Variants in ATP8A2 observed in about 807,000 individuals in gnomAD.
ATP8A2 encodes ATPase phospholipid transporting 8A2.
ATP8A2 carries 100 observed loss-of-function variants against 165.6 expected under a neutral mutation model. The observed-to-expected ratio is 0.60, with a 90% CI of 0.51 to 0.71. ATP8A2 has a LOEUF of 0.71. ATP8A2 is among the 30% of genes least tolerant of loss of function. ATP8A2 has a pLI of 0.00. For synonymous variants in ATP8A2, 543 were observed against 548.8 expected (o/e 0.99, Z 0.15); for missense variants, 1,227 against 1,479.5 (o/e 0.83, Z 2.80).
chr13:25,746,642 A>G (rs2044037970), intron 25 of ATP8A2, among the ~76,000 whole-genome samples: 2 of 152,160 alleles, frequency 1.3e-5, no homozygotes, highest in African/African-American at 4.8e-5. Flanking sequence ...TCCCACACTG[A>G]AAGGAAACTG....
chr13:25,430,483 A>G (rs1343802376), intron 1 of ATP8A2, among the ~76,000 whole-genome samples: 5 of 152,222 alleles, frequency 3.3e-5, no homozygotes, highest in South Asian at 2.1e-4. Flanking sequence ...GAGCAATTTC[A>G]GAAGATGGTA....
chr13:26,019,648 A>G (rs896728309), intron 36 of ATP8A2, among the ~76,000 whole-genome samples: 11 of 152,138 alleles, frequency 7.2e-5, no homozygotes, highest in Non-Finnish European at 1.3e-4. Context: ...CTACCCTCAG[A>G]GGCTTTCCCT....
intron 35 of ATP8A2, among the ~76,000 whole-genome samples, chr13:25,990,554 G>C (rs1470063988): frequency 6.6e-6 from 1 of 152,216 alleles, no homozygotes; most frequent in African/African-American, 2.4e-5. Flanking sequence ...AACTTGCAAG[G>C]ATGGCCATGT....
chr13:25,997,648 G>A (rs1956539700), intron 35 of ATP8A2, among the ~76,000 whole-genome samples: 1 of 151,764 alleles, frequency 6.6e-6, no homozygotes, highest in South Asian at 2.1e-4. Context: ...CTCAGACTGG[G>A]TAATTTCTAC....
At chr13:25,839,793 G>A (rs1229146472) in intron 30 of ATP8A2, among the ~76,000 whole-genome samples, 169 bp downstream of exon 30, 1 of 152,172 alleles carries the variant, frequency 6.6e-6, no homozygotes, top group African/African-American at 2.4e-5. Context: ...GTTTATAGCT[G>A]TTAGGTTTCA....
At chr13:25,592,656 C>G (rs2040120613) in intron 24 of ATP8A2, among the ~76,000 whole-genome samples, 1 of 152,164 alleles carries the variant, frequency 6.6e-6, no homozygotes, top group Admixed American at 6.5e-5. Flanking sequence ...TCAAAGGTAT[C>G]TCTAACCTTG....
chr13:25,391,822 G>C (rs1566099374), intron 1 of ATP8A2, among the ~76,000 whole-genome samples: 1 of 152,226 alleles, frequency 6.6e-6, no homozygotes, highest in Non-Finnish European at 1.5e-5. Flanking sequence ...AGGCTGTCTT[G>C]AGTGGATGGA....
chr13:25,875,695 C>G, intron 33 of ATP8A2, among the ~76,000 whole-genome samples: 2 of 149,466 alleles, frequency 1.3e-5, no homozygotes, highest in African/African-American at 5.2e-5. Flanking sequence ...TTTAAAATTT[C>G]AGCCCAACTG....
intron 18 of ATP8A2, among the ~76,000 whole-genome samples, chr13:25,571,938 C>T (rs1297263636): frequency 6.6e-6 from 1 of 152,192 alleles, no homozygotes; most frequent in East Asian, 1.9e-4. Flanking sequence ...TTATTTGTAG[C>T]AAAGAACTTC....
rs1344849936 is a variant in ATP8A2 at position 25,871,245 on chromosome 13, C to T, written c.3183+8837C>T. The T allele has an allele frequency of 2.3e-5, 9 of 388,224 alleles. No individual in the cohort carries two copies. The Admixed American group carries it at 3.1e-4, about 13-fold the overall frequency. The allele number at this position is 388,224 out of a possible 1,614,324, so 24.0% of individuals were successfully genotyped here. A position where few individuals can be genotyped will look rare whatever the true frequency, so the allele number is the denominator to read the frequency against. ...TTTGTTTGTTTGTAATATTTATGCT[C>T]AGTGGTCACAGTGTACGTCTGATGT... On this transcript the variant is annotated intron_variant, in intron 33 of 36. Transcript: ENST00000381655.
chr13:25,817,111 C>T (rs193217812), intron 27 of ATP8A2, among the ~76,000 whole-genome samples: 72 of 152,262 alleles, frequency 4.7e-4, no homozygotes, highest in Non-Finnish European at 9.4e-4. Context: ...GACAGCAGAT[C>T]CTAACCAGTG....
intron 24 of ATP8A2, among the ~76,000 whole-genome samples, chr13:25,610,232 A>G (rs969351084): frequency 2.6e-5 from 4 of 152,080 alleles, no homozygotes; most frequent in Non-Finnish European, 5.9e-5. Flanking sequence ...ATCTTCTGGA[A>G]TTTTTATGGT....
At chr13:25,377,663 G>A (rs1397316168) in intron 1 of ATP8A2, among the ~76,000 whole-genome samples, 2 of 152,068 alleles carry the variant, frequency 1.3e-5, no homozygotes, top group African/African-American at 4.8e-5. Context: ...GTAATGGTGC[G>A]TGCCTGTAAT....
intron 35 of ATP8A2, among the ~76,000 whole-genome samples, chr13:26,000,168 A>T (rs1956605297): frequency 6.6e-6 from 1 of 152,178 alleles, no homozygotes; most frequent in Admixed American, 6.5e-5. Context: ...AAGGACAGGG[A>T]ACTGGGGACC....
intron 27 of ATP8A2, among the ~76,000 whole-genome samples, chr13:25,787,309 G>A (rs2045054200): frequency 6.6e-6 from 1 of 152,190 alleles, no homozygotes; most frequent in Non-Finnish European, 1.5e-5. Context: ...GAATGGAATT[G>A]TACAGTATTA....
rs2137912734 is a variant in ATP8A2, at chr13:25,699,353, C to T, written c.2384+8C>T. The T allele has an allele frequency of 6.2e-7, 1 of 1,603,774 alleles. No homozygotes were observed. The highest frequency in any genetic ancestry group is 1.3e-5 in the African/African-American group (1 of 74,800). Reference sequence around the variant, plus strand: ...AGCGGTCATATGCTGCAGGTAGGAACCTGCAGGCTGTGCACAGTTCACACT... The same window carrying T: ...AGCGGTCATATGCTGCAGGTAGGAATCTGCAGGCTGTGCACAGTTCACACT... On this transcript the variant is annotated splice_region_variant and intron_variant, in intron 25 of 36. Coordinates refer to ENST00000381655, the MANE Select transcript of ATP8A2 (RefSeq NM_016529.6).
At chr13:25,892,065 CA>C (rs1953381198) in intron 33 of ATP8A2, among the ~76,000 whole-genome samples, 1 of 151,514 alleles carries the variant, frequency 6.6e-6, no homozygotes, top group Admixed American at 6.6e-5. Context: ...TGGCTCACTG[CA>C]AGCTCCACCT....
chr13:26,007,566 A>C (rs969497236), intron 35 of ATP8A2, among the ~76,000 whole-genome samples: 9 of 152,240 alleles, frequency 5.9e-5, no homozygotes, highest in Non-Finnish European at 1.2e-4. Context: ...TATTTATAGA[A>C]ACCAGGTGGA....
At chr13:25,685,781 G>A (rs1196508091) in intron 24 of ATP8A2, among the ~76,000 whole-genome samples, 1 of 152,156 alleles carries the variant, frequency 6.6e-6, no homozygotes, top group Non-Finnish European at 1.5e-5. Context: ...TTATTCAGAT[G>A]GAGACCAGAA....
Sources: allele counts gnomAD v4.1 joint callset (sites outside exome capture counted in the v4.1 genomes callset), GRCh38; gene constraint gnomAD v4.1.1; transcripts MANE v1.5; gene names NCBI Gene and HGNC (gene_info 2026-07-23, HGNC 2026-07-21).